The following ROPN1L variants were observed in gnomAD, a reference collection of about 807,000 sequenced individuals.
ROPN1L encodes the protein rhophilin associated tail protein 1 like.
Under a neutral mutation model 22.7 loss-of-function variants are expected in ROPN1L, and 23 were observed. That is an observed-to-expected ratio of 1.01 (90% confidence interval 0.73 to 1.43). The LOEUF (loss-of-function observed/expected upper bound fraction) is 1.43, where lower values mean the gene tolerates loss of function less well. Ranked by LOEUF, ROPN1L falls within the 40% of genes most tolerant of loss-of-function variation. The pLI, the probability that ROPN1L is intolerant of heterozygous loss-of-function variation, is 0.00. For missense variants in ROPN1L, 271 were observed against 291.5 expected, an observed-to-expected ratio of 0.93 and a Z score of 0.51; for synonymous variants, 116 against 117.8, an observed-to-expected ratio of 0.98 and a Z score of 0.10.
intron 3 of ROPN1L, among the ~76,000 whole-genome samples, chr5:10,451,364 G>C (rs186266943): frequency 6.6e-6 from 1 of 152,156 alleles, no homozygotes; most frequent in African/African-American, 2.4e-5. Context: ...CCCCCTGCCT[G>C]GTGGCCTGAA....
At position 10,458,358 on chromosome 5, in the gene ROPN1L, C is replaced by T. The variant is rs2126456499; in HGVS notation, c.418-2826C>T. ...ATAGCGTGTCCATGCACTGTCCTCCCACCTCGGCAACCTCGTGGGGCTCGG... is the reference window on the plus strand; with the variant it reads ...ATAGCGTGTCCATGCACTGTCCTCCTACCTCGGCAACCTCGTGGGGCTCGG... On this transcript the variant is annotated intron_variant, in intron 3 of 4. Transcript: ENST00000274134. Among the ~76,000 whole-genome samples the T allele has an allele frequency of 1.3e-5, 2 of 152,068 alleles. 1 individual carries two copies. Among genetic ancestry groups the T allele is most frequent in the South Asian group, 4.1e-4 (2 of 4,826 alleles).
chr5:10,454,321 G>T (rs1741351106), intron 3 of ROPN1L, among the ~76,000 whole-genome samples: 1 of 152,030 alleles, frequency 6.6e-6, no homozygotes, highest in Non-Finnish European at 1.5e-5. Context: ...CAAGTATCTT[G>T]CCATGTTGCC....
chr5:10,452,095 C>G (rs949022100), intron 3 of ROPN1L, among the ~76,000 whole-genome samples: 1 of 152,084 alleles, frequency 6.6e-6, no homozygotes, highest in African/African-American at 2.4e-5. Context: ...ATTCTCCTGC[C>G]TCAGCCTCCC....
downstream of ROPN1L, among the ~76,000 whole-genome samples, chr5:10,466,010 C>T (rs897164667): frequency 5.9e-5 from 9 of 152,108 alleles, no homozygotes; most frequent in Admixed American, 3.9e-4. Flanking sequence ...CCTGGCCTAG[C>T]GTCCGTGGCT....
At chr5:10,459,591 G>C (rs1333811412) in intron 3 of ROPN1L, among the ~76,000 whole-genome samples, 1 of 152,032 alleles carries the variant, frequency 6.6e-6, no homozygotes, top group Non-Finnish European at 1.5e-5. Context: ...GCCTGCTCTA[G>C]CTACCTGGAG....
downstream of ROPN1L, among the ~76,000 whole-genome samples, chr5:10,465,784 G>A (rs1221902216): frequency 1.3e-5 from 2 of 149,912 alleles, no homozygotes; most frequent in African/African-American, 2.5e-5. Context: ...TCTGGGAGGC[G>A]GAGGTTGTAG....
At chr5:10,445,789 G>A (rs374904420) in intron 1 of ROPN1L, among the ~76,000 whole-genome samples, 6 of 152,274 alleles carry the variant, frequency 3.9e-5, no homozygotes, top group East Asian at 1.9e-4. Context: ...CGGCCATGGT[G>A]ATGCATGTCT....
intron 2 of ROPN1L, 139 bp from the exon 3 acceptor site, chr5:10,449,801 CCAGGGCTGACAG>C: frequency 1.6e-6 from 1 of 616,884 alleles, no homozygotes; most frequent in Non-Finnish European, 2.7e-6. Context: ...CCTTCCCTCC[CCAGGGCTGACAG>C]AACCCCCTGT....
At chr5:10,465,842 T>TA (rs900431358), downstream of ROPN1L, among the ~76,000 whole-genome samples, 14 of 151,340 alleles carry the variant, frequency 9.3e-5, no homozygotes, top group South Asian at 4.2e-4. Context: ...CATCTAAAAA[T>TA]AAAAAAAAAC....
At chr5:10,456,927 C>T (rs1208790972) in intron 3 of ROPN1L, among the ~76,000 whole-genome samples, 1 of 152,232 alleles carries the variant, frequency 6.6e-6, no homozygotes, top group African/African-American at 2.4e-5. Flanking sequence ...CTTTCCGACT[C>T]ATCCTTCCTG....
the ROPN1L span, among the ~76,000 whole-genome samples, chr5:10,477,297 G>A: frequency 6.6e-6 from 1 of 152,198 alleles, no homozygotes; most frequent in Non-Finnish European, 1.5e-5. Context: ...GAGGGCCACT[G>A]ACCTGGGCAC....
the ROPN1L span, among the ~76,000 whole-genome samples, chr5:10,479,986 C>A: frequency 6.6e-6 from 1 of 152,146 alleles, no homozygotes; most frequent in Non-Finnish European, 1.5e-5. Flanking sequence ...TCAGGTGATC[C>A]GCCTGCCTCG....
chr5:10,464,797 A>G, intron 4 of ROPN1L, 51 bp from the exon 5 acceptor site: 1 of 1,028,208 alleles, frequency 9.7e-7, no homozygotes, highest in Non-Finnish European at 1.4e-6. Flanking sequence ...AATGTTACTA[A>G]GTATATGATG....
intron 4 of ROPN1L, among the ~76,000 whole-genome samples, chr5:10,462,126 A>C (rs1296322468): frequency 6.6e-6 from 1 of 151,912 alleles, no homozygotes; most frequent in Non-Finnish European, 1.5e-5. Context: ...TGAAAGTCCC[A>C]CCCCTCTAAT....
chr5:10,477,425 G>A, the ROPN1L span, among the ~76,000 whole-genome samples: 3 of 152,254 alleles, frequency 2.0e-5, no homozygotes, highest in Admixed American at 6.5e-5. Context: ...AAAGCAAAGC[G>A]GTCCTACTAC....
intron 3 of ROPN1L, among the ~76,000 whole-genome samples, chr5:10,458,941 C>A (rs1734941709): frequency 8.3e-6 from 1 of 120,482 alleles, no homozygotes; most frequent in Non-Finnish European, 1.8e-5. Flanking sequence ...GTACACCATC[C>A]CGCCCGTGTA....
At position 10,442,051 on chromosome 5, in the gene ROPN1L, G is replaced by T. The variant is rs1740895575; in HGVS notation, c.-117G>T. Reference sequence around the variant, plus strand: ...CCCAACCTCGGGAACGGGATGGGAGGCGGCCCTGGCCGCAAGCCCCGCGCT... The same window carrying T: ...CCCAACCTCGGGAACGGGATGGGAGTCGGCCCTGGCCGCAAGCCCCGCGCT... On this transcript the variant is annotated 5_prime_UTR_variant, in exon 1 of 5. Coordinates refer to ENST00000274134, the MANE Select transcript of ROPN1L (RefSeq NM_031916.5). 7.1e-7 allele frequency: 1 copy of T among 1,412,440 alleles called. No individual in the cohort carries two copies. Among genetic ancestry groups the T allele is most frequent in the Non-Finnish European group, 9.7e-7 (1 of 1,034,514 alleles). The allele number at this position is 1,412,440 out of a possible 1,614,324, so 87.5% of individuals were successfully genotyped here.
At chr5:10,481,855 C>T in the ROPN1L span, 1 of 152,240 alleles carries the variant, frequency 6.6e-6, no homozygotes, top group Non-Finnish European at 1.5e-5. Flanking sequence ...AATAACCAAA[C>T]CTGCTCTCTG....
intron 3 of ROPN1L, among the ~76,000 whole-genome samples, chr5:10,453,123 G>A (rs1741305595): frequency 6.6e-6 from 1 of 152,186 alleles, no homozygotes; most frequent in Non-Finnish European, 1.5e-5. Flanking sequence ...GCCTCTCCTG[G>A]TTGTAGAAAG....
Sources: allele counts gnomAD v4.1 joint callset (sites outside exome capture counted in the v4.1 genomes callset), GRCh38; gene constraint gnomAD v4.1.1; transcripts MANE v1.5; gene names NCBI Gene and HGNC (gene_info 2026-07-23, HGNC 2026-07-21).